Variants in KLHL2 observed in about 807,000 individuals in gnomAD.
The protein encoded by KLHL2 is kelch like family member 2, also known as kelch-like protein 2.
In KLHL2, 15 loss-of-function variants were observed where a neutral mutation model predicts 75.8. The ratio of observed to expected loss-of-function variants is 0.20; its 90% CI spans 0.13 to 0.30. The LOEUF is 0.30. KLHL2 is among the 10% of genes least tolerant of loss of function. The pLI, the probability that KLHL2 is intolerant of heterozygous loss-of-function variation, is 1.00. For missense variants in KLHL2, 381 were observed against 741.0 expected, an observed-to-expected ratio of 0.51 and a Z score of 5.64; for synonymous variants, 214 against 251.9, an observed-to-expected ratio of 0.85 and a Z score of 1.42.
chr4:165,224,121 G>T (rs1738238575), intron 2 of KLHL2: 1 of 196,978 alleles, frequency 5.1e-6, no homozygotes, highest in Non-Finnish European at 1.1e-5. Context: ...TTGCCATGTT[G>T]GCTAGGCTGG....
intron 14 of KLHL2, chr4:165,321,358 A>C: frequency 2.2e-6 from 1 of 454,472 alleles, no homozygotes; most frequent in South Asian, 1.6e-5. Flanking sequence ...ATGATGATCC[A>C]CTTCCCCTTA....
chr4:165,313,293 A>G lies in KLHL2; in HGVS notation c.1395A>G (p.Thr465=), dbSNP rs1172567939. The change falls in exon 12 of 15, where the codon ACA becomes ACG. Residue 465 remains threonine (T), a synonymous_variant. Transcript: ENST00000226725. ...YDGASRQCLS[T]VECYNATTNE... ...GAGCATCACGTCAGTGTCTTAGCACAGTAGAATGCTATAATGCTACAACAA... is the reference window on the plus strand; with the variant it reads ...GAGCATCACGTCAGTGTCTTAGCACGGTAGAATGCTATAATGCTACAACAA... 6.2e-7 allele frequency: 1 copy of G among 1,601,766 alleles called. No individual in the cohort carries two copies. Among genetic ancestry groups the G allele is most frequent in the Non-Finnish European group, 8.5e-7 (1 of 1,174,970 alleles).
chr4:165,208,054 T>G (rs1279618774), intron 1 of KLHL2, 152 bp downstream of exon 1: 2 of 429,724 alleles, frequency 4.7e-6, no homozygotes, highest in South Asian at 2.1e-4. Context: ...CCCGCAGTCC[T>G]GAGCGGACGC....
intron 7 of KLHL2, among the ~76,000 whole-genome samples, chr4:165,298,789 T>G (rs1745111990): frequency 6.6e-6 from 1 of 151,958 alleles, no homozygotes; most frequent in South Asian, 2.1e-4. Context: ...TACAAAAAAT[T>G]AGCCAGACAT....
At chr4:165,236,161 G>C (rs533265302) in intron 3 of KLHL2, among the ~76,000 whole-genome samples, 34 of 152,166 alleles carry the variant, frequency 2.2e-4, no homozygotes, top group Non-Finnish European at 4.9e-4. Context: ...TGAACTGTGG[G>C]ACTGGTGGGT....
At chr4:165,230,214 G>A (rs1738772697) in intron 3 of KLHL2, among the ~76,000 whole-genome samples, 1 of 152,190 alleles carries the variant, frequency 6.6e-6, no homozygotes, top group African/African-American at 2.4e-5. Flanking sequence ...ATTCGATCTG[G>A]AATGTGTTGG....
chr4:165,284,774 T>G (rs1475936423), intron 5 of KLHL2, among the ~76,000 whole-genome samples: 1 of 152,192 alleles, frequency 6.6e-6, no homozygotes, highest in African/African-American at 2.4e-5. Flanking sequence ...AAGACATATC[T>G]GAGACTCGGC....
At chr4:165,269,407 C>A (rs905367008) in intron 5 of KLHL2, among the ~76,000 whole-genome samples, 4 of 152,120 alleles carry the variant, frequency 2.6e-5, no homozygotes, top group African/African-American at 9.7e-5. Flanking sequence ...TTCATAGCAT[C>A]CATGGTCTTT....
intron 5 of KLHL2, among the ~76,000 whole-genome samples, chr4:165,265,830 A>G (rs1000113036): frequency 5.9e-5 from 9 of 152,224 alleles, no homozygotes; most frequent in African/African-American, 1.2e-4. Flanking sequence ...CTTTGGGTAT[A>G]TACCCAGTAA....
At chr4:165,224,493 T>C (rs546493605) in intron 2 of KLHL2, among the ~76,000 whole-genome samples, 13 of 152,368 alleles carry the variant, frequency 8.5e-5, no homozygotes, top group Admixed American at 2.0e-4. Context: ...TTCCAGAAGA[T>C]ATTTAAGCAA....
intron 5 of KLHL2, chr4:165,278,793 A>G: frequency 6.5e-7 from 1 of 1,540,228 alleles, no homozygotes; most frequent in Non-Finnish European, 9.0e-7. Flanking sequence ...TTACATAGTA[A>G]GAAACATCCT....
At chr4:165,265,524 C>G (rs941089474) in intron 5 of KLHL2, among the ~76,000 whole-genome samples, 21 of 152,016 alleles carry the variant, frequency 1.4e-4, no homozygotes, top group Non-Finnish European at 2.8e-4. Flanking sequence ...AGATTTAAGT[C>G]TTTAATCCAT....
intron 2 of KLHL2, 118 bp from the exon 3 acceptor site, chr4:165,228,689 T>C: frequency 3.3e-6 from 2 of 614,150 alleles, no homozygotes; most frequent in South Asian, 4.2e-5. Flanking sequence ...AGGATGGCTG[T>C]CTTTTACGTT....
intron 14 of KLHL2, among the ~76,000 whole-genome samples, chr4:165,318,762 A>G (rs1265527092): frequency 6.6e-6 from 1 of 151,728 alleles, no homozygotes; most frequent in Non-Finnish European, 1.5e-5. Flanking sequence ...GTCCACTTAC[A>G]TGTGGATTTT....
intron 3 of KLHL2, among the ~76,000 whole-genome samples, chr4:165,229,543 A>G (rs1368307492): frequency 1.3e-5 from 2 of 152,204 alleles, no homozygotes; most frequent in East Asian, 3.9e-4. Flanking sequence ...AGAAAATACA[A>G]ATAGAAATGT....
intron 3 of KLHL2, among the ~76,000 whole-genome samples, chr4:165,229,416 T>A (rs1738705505): frequency 6.6e-6 from 1 of 152,228 alleles, no homozygotes; most frequent in Admixed American, 6.5e-5. Flanking sequence ...GTAATTTATG[T>A]CTGTCACACT....
chr4:165,262,201 A>G (rs1026608857), intron 4 of KLHL2, among the ~76,000 whole-genome samples: 1 of 152,254 alleles, frequency 6.6e-6, no homozygotes, highest in Non-Finnish European at 1.5e-5. Flanking sequence ...CCCACAGAAT[A>G]ACCTATAATT....
At chr4:165,236,001 G>A (rs902409414) in intron 3 of KLHL2, among the ~76,000 whole-genome samples, 5 of 151,918 alleles carry the variant, frequency 3.3e-5, no homozygotes, top group Admixed American at 2.6e-4. Flanking sequence ...TTTGAACTCC[G>A]TGCCCAAATT....
chr4:165,292,529 C>T (rs1186397603), intron 5 of KLHL2, among the ~76,000 whole-genome samples: 2 of 151,804 alleles, frequency 1.3e-5, no homozygotes, highest in East Asian at 1.9e-4. Flanking sequence ...GACGGGGTTT[C>T]GCCATATTGT....
Sources: gnomAD v4.1 joint callset for allele counts (sites outside exome capture counted in the v4.1 genomes callset) on GRCh38, gnomAD v4.1.1 for gene constraint, MANE v1.5 for transcripts, NCBI Gene and HGNC (gene_info 2026-07-23, HGNC 2026-07-21) for gene names.